Variants in PTDSS2 observed in about 807,000 individuals in gnomAD.
PTDSS2 encodes the protein PSS-2.
A neutral mutation model predicts 64.7 loss-of-function variants in PTDSS2; 41 were observed. The observed-to-expected ratio is 0.63, with a 90% CI of 0.49 to 0.82. PTDSS2 has a LOEUF of 0.82. PTDSS2 is among the 40% of genes least tolerant of loss of function. PTDSS2 has a pLI of 0.00. For synonymous variants in PTDSS2, 297 were observed against 277.8 expected (o/e 1.07, Z -0.69); for missense variants, 485 against 650.0 (o/e 0.75, Z 2.76).
Position 475,651 on chromosome 11 carries a change from T to G in PTDSS2, c.367+1674T>G, listed in dbSNP as rs535841969. Among the ~76,000 whole-genome samples the G allele has an allele frequency of 2.0e-5, 3 of 152,392 alleles. No individual in the cohort carries two copies. The East Asian group carries it at 5.8e-4, about 29-fold the overall frequency. ...GCTTTGTGCATTCTCCACTTCAGGTTCAACGACTTTAGTCATTTCCTTACT... is the reference window on the plus strand; with the variant it reads ...GCTTTGTGCATTCTCCACTTCAGGTGCAACGACTTTAGTCATTTCCTTACT... On this transcript the variant is annotated intron_variant, in intron 3 of 11. Transcript: ENST00000308020.
chr11:452,459 G>A (rs1846379942), intron 1 of PTDSS2, among the ~76,000 whole-genome samples: 1 of 152,248 alleles, frequency 6.6e-6, no homozygotes, highest in South Asian at 2.1e-4. Context: ...GGTCTCTTTA[G>A]AAGCCCAGAC....
In PTDSS2 at chr11:482,923, C is replaced by T. The variant is rs530719285; in HGVS notation, c.435+3771C>T. Among the ~76,000 whole-genome samples the T allele has an allele frequency of 8.6e-3, 1,143 of 133,642 alleles. 24 individuals are homozygous for T. The highest frequency in any genetic ancestry group is 0.034 in the African/African-American group (1,083 of 32,276). 87.7% of individuals were successfully genotyped at this position (133,642 alleles called of 152,430 possible). A position where few individuals can be genotyped will look rare whatever the true frequency, so the allele number is the denominator to read the frequency against. ...GTGAGTTTTTCGTAGATCTCCCTAC[C>T]GAGTGGAGAAGGTTCTGTGAGTTTT... is the stretch of plus-strand genomic sequence containing the variant. On this transcript the variant is annotated intron_variant, in intron 4 of 11. Transcript: ENST00000308020.
At chr11:457,596 C>G (rs1846656841) in intron 1 of PTDSS2, among the ~76,000 whole-genome samples, 1 of 152,232 alleles carries the variant, frequency 6.6e-6, no homozygotes, top group African/African-American at 2.4e-5. Flanking sequence ...CCTCTGAGTG[C>G]TGAGCCATGC....
At chr11:450,699 G>A (rs977571929) in intron 1 of PTDSS2, 62 bp downstream of exon 1, 3 of 1,216,070 alleles carry the variant, frequency 2.5e-6, no homozygotes, top group Non-Finnish European at 3.1e-6. Context: ...TTCCGGCACC[G>A]CTGGCCTGGG....
intron 4 of PTDSS2, among the ~76,000 whole-genome samples, chr11:481,415 G>A (rs1406749220): frequency 6.6e-6 from 1 of 152,212 alleles, no homozygotes; most frequent in Non-Finnish European, 1.5e-5. Flanking sequence ...TATGGGGATT[G>A]CATCGAATCT....
intron 3 of PTDSS2, among the ~76,000 whole-genome samples, chr11:475,789 C>CTA (rs1367436447): frequency 2.0e-5 from 3 of 152,214 alleles, no homozygotes; most frequent in Non-Finnish European, 4.4e-5. Context: ...TTAGAATGTA[C>CTA]TACATTTAAC....
At position 473,892 on chromosome 11, in the gene PTDSS2, C is replaced by T; in HGVS notation, c.285-3C>T. 3 of 1,611,226 alleles carry T rather than the reference C, an allele frequency of 1.9e-6. No individual in the cohort carries two copies. Among genetic ancestry groups the T allele is most frequent in the African/African-American group, 1.3e-5 (1 of 75,000 alleles). Reference sequence around the variant, plus strand: ...TGAGGGGCTGTTTGTTCTTTATTTGCAGAGGTATTGTGGCCAGTATTTTGG... The same window carrying T: ...TGAGGGGCTGTTTGTTCTTTATTTGTAGAGGTATTGTGGCCAGTATTTTGG... On this transcript the variant is annotated splice_region_variant and splice_polypyrimidine_tract_variant and intron_variant, in intron 2 of 11. Coordinates refer to ENST00000308020, the MANE Select transcript of PTDSS2 (RefSeq NM_030783.3).
chr11:450,580 A>T lies in PTDSS2; in HGVS notation c.125A>T (p.Glu42Val). ...PSAGQATGPG[E>V]GRRSTESEVY... ...GCCGGCCAAGCCACCGGGCCGGGCG[A>T]GGGCCGCCGCAGCACCGAGTCCGAG... Residue 42 changes from glutamate to valine, a missense_variant, in exon 1 of 12, where the codon GAG becomes GTG. Transcript: ENST00000308020. 8.0e-7 allele frequency: 1 copy of T among 1,243,384 alleles called. No homozygotes were observed. Among genetic ancestry groups the T allele is most frequent in the Admixed American group, 4.2e-5 (1 of 23,630 alleles). 77.0% of individuals were successfully genotyped at this position (1,243,384 alleles called of 1,614,324 possible).
At chr11:459,848 A>T (rs1476817664) in intron 1 of PTDSS2, 1 of 287,962 alleles carries the variant, frequency 3.5e-6, no homozygotes, top group Non-Finnish European at 6.7e-6. Context: ...CGCAGTGAAA[A>T]GCGCGTGTTT....
rs555715049 is a variant in PTDSS2 at position 479,295 on chromosome 11, C to T, written c.435+143C>T. On this transcript the variant is annotated intron_variant, in intron 4 of 11. Transcript: ENST00000308020. The surrounding 1 kb of genome is among the most constrained non-coding windows in gnomAD (Gnocchi z 4.2). ...GACCCCCACAAAGTAGGCCGAGCTG[C>T]GGGGGGTCTCCAGGAGCATCTGTGC... 5 of 769,606 alleles carry T rather than the reference C, an allele frequency of 6.5e-6. No individual in the cohort carries two copies. The highest frequency in any genetic ancestry group is 2.4e-5 in the East Asian group (1 of 41,060). The allele number at this position is 769,606 out of a possible 1,614,324, so 47.7% of individuals were successfully genotyped here. A position where few individuals can be genotyped will look rare whatever the true frequency, so the allele number is the denominator to read the frequency against.
chr11:473,841 C>T, intron 2 of PTDSS2, 54 bp from the exon 3 acceptor site: 1 of 1,384,648 alleles, frequency 7.2e-7, no homozygotes, highest in Non-Finnish European at 1.0e-6. Context: ...CCTCCCACCT[C>T]CCTCCTGGGA....
intron 4 of PTDSS2, among the ~76,000 whole-genome samples, chr11:485,184 AGT>A (rs1297139905): frequency 7.1e-5 from 8 of 112,950 alleles, no homozygotes; most frequent in East Asian, 5.7e-4. Context: ...TGCGCAGGCG[AGT>A]GTAAACTGCA....
intron 4 of PTDSS2, among the ~76,000 whole-genome samples, chr11:486,007 G>A (rs1169082090): frequency 4.7e-5 from 7 of 148,894 alleles, no homozygotes; most frequent in African/African-American, 7.6e-5. Context: ...AGCAGTGCAC[G>A]GGCGCGCGTG....
chr11:451,313 G>C (rs1846317713), intron 1 of PTDSS2: 1 of 419,732 alleles, frequency 2.4e-6, no homozygotes, highest in Non-Finnish European at 5.0e-6. Flanking sequence ...AAAGGAAGAG[G>C]CCCCCGGGAG....
intron 2 of PTDSS2, chr11:463,075 G>C (rs1846966283): frequency 6.6e-6 from 1 of 151,042 alleles, no homozygotes; most frequent in African/African-American, 2.4e-5. Flanking sequence ...GCTGAGGCAG[G>C]ACAATCGCAT....
chr11:487,372 G>A, intron 5 of PTDSS2, 48 bp from the exon 6 acceptor site: 3 of 1,554,720 alleles, frequency 1.9e-6, no homozygotes, highest in Non-Finnish European at 2.7e-6. Flanking sequence ...TGTGGGGAGT[G>A]GGGGTGGCTG....
chr11:490,790 G>A lies in PTDSS2; in HGVS notation c.*208G>A, dbSNP rs1054047718. The stretch of plus-strand genomic sequence containing the variant: ...TGTACACGTGTGTACGTGTGTATGC[G>A]TGTGTGTACGCGTGTGTACGCGCGT... On this transcript the variant is annotated 3_prime_UTR_variant, in exon 12 of 12. Coordinates refer to ENST00000308020, the MANE Select transcript of PTDSS2 (RefSeq NM_030783.3). 32 of 606,188 alleles carry A rather than the reference G, an allele frequency of 5.3e-5. No individual in the cohort carries two copies. The highest frequency in any genetic ancestry group is 3.8e-4 in the African/African-American group (20 of 52,788). The allele number at this position is 606,188 out of a possible 1,614,324, so 37.6% of individuals were successfully genotyped here.
rs1846260645 is a variant in PTDSS2 at position 450,405 on chromosome 11, G to T, written c.-51G>T. On this transcript the variant is annotated 5_prime_UTR_variant, in exon 1 of 12. Transcript: ENST00000308020. The stretch of plus-strand genomic sequence containing the variant: ...CGGCGCGTCCTCTCGCCGGTGACCC[G>T]GTGTGCGTGGGGTCGAGGCGCCGGG... 1 of 1,213,826 alleles carries T rather than the reference G, an allele frequency of 8.2e-7. No individual in the cohort carries two copies. The highest frequency in any genetic ancestry group is 4.2e-5 in the South Asian group (1 of 24,042). 75.2% of individuals were successfully genotyped at this position (1,213,826 alleles called of 1,614,324 possible). A position where few individuals can be genotyped will look rare whatever the true frequency, so the allele number is the denominator to read the frequency against.
intron 1 of PTDSS2, chr11:451,392 C>A: frequency 2.2e-6 from 1 of 448,592 alleles, no homozygotes; most frequent in Admixed American, 2.4e-5. Flanking sequence ...CAGCTGCGAC[C>A]CTGGGCTGGC....
Sources: gnomAD v4.1 joint callset for allele counts (sites outside exome capture counted in the v4.1 genomes callset) on GRCh38, gnomAD v4.1.1 for gene constraint, Gnocchi (gnomAD v3.1) non-coding constraint, MANE v1.5 for transcripts, NCBI Gene and HGNC (gene_info 2026-07-23, HGNC 2026-07-21) for gene names.